PVALEF: variants seen among roughly 807,000 people sequenced by gnomAD.
PVALEF encodes the protein parvalbumin like EF-hand containing, also known as parvalbumin-like EF-hand-containing protein.
In PVALEF, 2 loss-of-function variants were observed where a neutral mutation model predicts 1.2. That is an observed-to-expected ratio of 1.68 (90% CI 0.69 to 5.28). The LOEUF is 5.28. PVALEF is among the 30% of genes most tolerant of loss of function. The pLI is 0.06. For missense variants in PVALEF, 35 were observed against 17.7 expected (o/e 1.97, Z -1.75); for synonymous variants, 16 against 6.5 (o/e 2.47, Z -2.24).
At chr17:81,168,608 G>A (rs1450977874) in intron 2 of PVALEF, among the ~76,000 whole-genome samples, 2 of 152,146 alleles carry the variant, frequency 1.3e-5, no homozygotes, top group South Asian at 2.1e-4. Flanking sequence ...GCTATCCCCC[G>A]GCCTGGGGGA....
At chr17:81,170,664 C>G (rs2061517696) in intron 2 of PVALEF, among the ~76,000 whole-genome samples, 1 of 152,162 alleles carries the variant, frequency 6.6e-6, no homozygotes, top group South Asian at 2.1e-4. Context: ...TCCCAATTAG[C>G]CAGTTATAAT....
In PVALEF at chr17:81,179,010, A is replaced by C. The variant is rs1282632051; in HGVS notation, c.-247A>C. 1 of 447,014 alleles carries C rather than the reference A, an allele frequency of 2.2e-6. No homozygotes were observed. The allele number at this position is 447,014 out of a possible 1,614,324, so 27.7% of individuals were successfully genotyped here. On this transcript the variant is annotated 5_prime_UTR_variant, in exon 3 of 7. Transcript: ENST00000637878. ...CGAGCCCCTGGGAGCTGCCCGTGCC[A>C]GGCTGGAGTGCCGGGGAGGGGCGAG...
At chr17:81,178,683 G>C (rs930486455) in intron 2 of PVALEF, among the ~76,000 whole-genome samples, 1 of 151,958 alleles carries the variant, frequency 6.6e-6, no homozygotes, top group South Asian at 2.1e-4. Context: ...CAGAGCTGGG[G>C]GGGGCAGGGT....
chr17:81,179,151 A>G lies in PVALEF; in HGVS notation c.-106A>G. Reference sequence around the variant, plus strand: ...AGAACTCTCGAAAGAAGCCAGGCAGAGGTAAGCCCTGCCAAGGAGGGGGGT... The same window carrying G: ...AGAACTCTCGAAAGAAGCCAGGCAGGGGTAAGCCCTGCCAAGGAGGGGGGT... On this transcript the variant is annotated splice_region_variant and 5_prime_UTR_variant, in exon 3 of 7. Coordinates refer to ENST00000637878, the MANE Select transcript of PVALEF (RefSeq NM_001354639.2). 1 of 357,896 alleles carries G rather than the reference A, an allele frequency of 2.8e-6. No individual in the cohort carries two copies. Among genetic ancestry groups the G allele is most frequent in the Non-Finnish European group, 5.8e-6 (1 of 173,562 alleles). The allele number at this position is 357,896 out of a possible 1,614,324, so 22.2% of individuals were successfully genotyped here.
chr17:81,182,411 A>T (rs529540416), intron 6 of PVALEF, among the ~76,000 whole-genome samples: 1 of 152,060 alleles, frequency 6.6e-6, no homozygotes, highest in Admixed American at 6.5e-5. Flanking sequence ...CCCCCACACA[A>T]CCCCAGTGGC....
In PVALEF at chr17:81,181,686, C is replaced by T. The variant is rs1157399565; in HGVS notation, c.234C>T (p.Asn78=). The change falls in exon 5 of 7, where the codon AAC becomes AAT. Residue 78 remains asparagine (N), a synonymous_variant. Coordinates refer to ENST00000637878, the MANE Select transcript of PVALEF (RefSeq NM_001354639.2). ...ACAAGAGTGGCTTCATTGAGTGGAA[C>T]GAGATCAAGTAATGGCTGGCGGCCA... The part of the protein sequence containing the change: ...DKDKSGFIEW[N]EIKYILSIIP... 3 of 401,906 alleles carry T rather than the reference C, an allele frequency of 7.5e-6. No individual in the cohort carries two copies. The highest frequency in any genetic ancestry group is 1.2e-4 in the South Asian group (1 of 8,350). 24.9% of individuals were successfully genotyped at this position (401,906 alleles called of 1,614,324 possible). A position where few individuals can be genotyped will look rare whatever the true frequency, so the allele number is the denominator to read the frequency against.
chr17:81,175,138 A>ACGCCTCCTGGGGGGAC (rs2061532648), intron 2 of PVALEF, among the ~76,000 whole-genome samples: 2 of 152,208 alleles, frequency 1.3e-5, no homozygotes, highest in Non-Finnish European at 2.9e-5. Flanking sequence ...AGGATTATCC[A>ACGCCTCCTGGGGGGAC]ATTTGTCCAA....
intron 2 of PVALEF, among the ~76,000 whole-genome samples, chr17:81,174,538 G>A (rs2061530489): frequency 6.6e-6 from 1 of 152,028 alleles, no homozygotes; most frequent in South Asian, 2.1e-4. Context: ...GCTGAGACAG[G>A]AGTATCTCTT....
rs571406866 is a variant in PVALEF, at chr17:81,180,639, T to C, written c.-104-484T>C. On this transcript the variant is annotated intron_variant, in intron 3 of 6. Transcript: ENST00000637878. The stretch of plus-strand genomic sequence containing the variant: ...ACATGGCAGCTGGAGGCACCGAGGG[T>C]TGGGGAGCAGGACCTGGTCCAGGGG... Among the ~76,000 whole-genome samples, 146 of 152,026 alleles carry C rather than the reference T, an allele frequency of 9.6e-4. 2 individuals are homozygous for C. The South Asian group carries it at 0.028, about 29-fold the overall frequency.
At chr17:81,182,868 G>A (rs1031693244) in intron 6 of PVALEF, 97 bp from the exon 7 acceptor site, 3 of 397,184 alleles carry the variant, frequency 7.6e-6, no homozygotes, top group African/African-American at 6.2e-5. Flanking sequence ...GTGTAGTCCA[G>A]GCACACTCCC....
intron 3 of PVALEF, among the ~76,000 whole-genome samples, chr17:81,179,784 A>G (rs1567837985): frequency 6.6e-6 from 1 of 152,110 alleles, no homozygotes; most frequent in Non-Finnish European, 1.5e-5. Flanking sequence ...AATGGCCCGG[A>G]GCAGGGCATC....
At chr17:81,166,503 C>CGG (rs1352693269) in intron 1 of PVALEF, among the ~76,000 whole-genome samples, 174 bp from the exon 2 acceptor site, 246 of 13,224 alleles carry the variant, frequency 0.019, 11 homozygotes, top group East Asian at 0.15. Flanking sequence ...CGGAGGCTGG[C>CGG]GGGGGGGGGG....
chr17:81,166,613 G>C (rs2061495174), intron 1 of PVALEF, 64 bp from the exon 2 acceptor site: 1 of 444,730 alleles, frequency 2.2e-6, no homozygotes, highest in African/African-American at 2.0e-5. Context: ...GGAGACAGGT[G>C]GGGGAACCCG....
chr17:81,166,503 C>CG (rs1352693269), intron 1 of PVALEF, among the ~76,000 whole-genome samples, 174 bp from the exon 2 acceptor site: 2,537 of 13,206 alleles, frequency 0.19, 286 homozygotes, highest in Middle Eastern at 0.3. Flanking sequence ...CGGAGGCTGG[C>CG]GGGGGGGGGG....
At chr17:81,177,668 C>T (rs543011484) in intron 2 of PVALEF, among the ~76,000 whole-genome samples, 3 of 152,278 alleles carry the variant, frequency 2.0e-5, no homozygotes, top group South Asian at 2.1e-4. Context: ...GAAAAGGCAT[C>T]GACCGAGCCT....
chr17:81,176,067 A>C (rs757861493), intron 2 of PVALEF, among the ~76,000 whole-genome samples: 8 of 152,250 alleles, frequency 5.3e-5, no homozygotes, highest in Non-Finnish European at 8.8e-5. Context: ...GAACATATGA[A>C]GAACTCCTAA....
intron 2 of PVALEF, among the ~76,000 whole-genome samples, chr17:81,178,282 T>C (rs1474808610): frequency 6.6e-6 from 1 of 152,124 alleles, no homozygotes; most frequent in Non-Finnish European, 1.5e-5. Flanking sequence ...TGGCTTCCAG[T>C]AGAAAGCCAG....
At chr17:81,179,212 T>C (rs538715071) in intron 3 of PVALEF, 60 bp downstream of exon 3, 1 of 277,988 alleles carries the variant, frequency 3.6e-6, no homozygotes, top group African/African-American at 2.3e-5. Flanking sequence ...CCGAGCTGGA[T>C]GGTGGGAACT....
At chr17:81,181,013 C>A in intron 3 of PVALEF, 110 bp from the exon 4 acceptor site, 1 of 521,774 alleles carries the variant, frequency 1.9e-6, no homozygotes, top group Non-Finnish European at 3.4e-6. Flanking sequence ...CTCCCGCTGA[C>A]CCCTCTGCCT....
Sources: allele counts gnomAD v4.1 joint callset (sites outside exome capture counted in the v4.1 genomes callset), GRCh38; gene constraint gnomAD v4.1.1; transcripts MANE v1.5; gene names NCBI Gene and HGNC (gene_info 2026-07-23, HGNC 2026-07-21).